DIAPH3: variants seen among roughly 807,000 people sequenced by gnomAD.
DIAPH3 encodes the protein diaphanous related formin 3, also known as protein diaphanous homolog 3.
In DIAPH3, 117 loss-of-function variants were observed where a neutral mutation model predicts 144.3. The ratio of observed to expected loss-of-function variants is 0.81; its 90% CI spans 0.70 to 0.95. The LOEUF is 0.95. DIAPH3 is among the 40% of genes least tolerant of loss of function. DIAPH3 has a pLI of 0.00. For missense variants in DIAPH3, 1,421 were observed against 1,412.7 expected, an observed-to-expected ratio of 1.01 and a Z score of -0.09; for synonymous variants, 519 against 488.9, an observed-to-expected ratio of 1.06 and a Z score of -0.81.
At chr13:60,113,352 G>C (rs967784544) in intron 2 of DIAPH3, among the ~76,000 whole-genome samples, 1 of 152,084 alleles carries the variant, frequency 6.6e-6, no homozygotes, top group African/African-American at 2.4e-5. Flanking sequence ...AATTCAAAAG[G>C]ACAATTAAGT....
intron 25 of DIAPH3, among the ~76,000 whole-genome samples, chr13:59,783,489 C>T (rs1471753626): frequency 6.6e-6 from 1 of 152,122 alleles, no homozygotes; most frequent in Admixed American, 6.5e-5. Context: ...AGGTTTAAAA[C>T]TTGGGAAAGA....
intron 4 of DIAPH3, among the ~76,000 whole-genome samples, chr13:60,082,806 T>C (rs1001373981): frequency 1.3e-5 from 2 of 152,046 alleles, no homozygotes; most frequent in African/African-American, 4.8e-5. Flanking sequence ...AGTTACTAAA[T>C]GAGGTTAAAA....
chr13:60,031,108 T>C (rs566954667), intron 5 of DIAPH3, among the ~76,000 whole-genome samples: 8 of 152,168 alleles, frequency 5.3e-5, no homozygotes, highest in African/African-American at 1.9e-4. Flanking sequence ...GTACAGGAGG[T>C]ATGGCGCCAG....
chr13:59,805,049 C>T (rs1015078790), intron 25 of DIAPH3, among the ~76,000 whole-genome samples: 3 of 152,062 alleles, frequency 2.0e-5, no homozygotes, highest in Non-Finnish European at 4.4e-5. Flanking sequence ...CTAATTATCT[C>T]TTTATTTAAT....
chr13:59,982,589 T>C (rs752925557), intron 13 of DIAPH3, among the ~76,000 whole-genome samples: 73 of 151,650 alleles, frequency 4.8e-4, no homozygotes, highest in Non-Finnish European at 6.8e-4. Flanking sequence ...ATGAGAGGTG[T>C]ATTTTAATAG....
chr13:60,117,941 G>A (rs756476517), intron 2 of DIAPH3, among the ~76,000 whole-genome samples: 1 of 152,062 alleles, frequency 6.6e-6, no homozygotes, highest in African/African-American at 2.4e-5. Context: ...AGTTGAGCAA[G>A]AAACACAACC....
chr13:60,147,392 C>T (rs1951580460), intron 1 of DIAPH3: 1 of 152,216 alleles, frequency 6.6e-6, no homozygotes, highest in Non-Finnish European at 1.5e-5. Context: ...GAACTAGAGA[C>T]TCAAATAGGG....
intron 27 of DIAPH3, among the ~76,000 whole-genome samples, chr13:59,753,107 T>A (rs1361006917): frequency 1.3e-5 from 2 of 152,204 alleles, no homozygotes; most frequent in African/African-American, 2.4e-5. Flanking sequence ...TATTTTTAGC[T>A]CTGAGGCTAA....
At chr13:59,968,485 A>G (rs2050177603) in intron 17 of DIAPH3, among the ~76,000 whole-genome samples, 1 of 152,134 alleles carries the variant, frequency 6.6e-6, no homozygotes, top group Non-Finnish European at 1.5e-5. Context: ...GAAAATTTTG[A>G]TCCTCCATAA....
Position 59,666,430 on chromosome 13 carries a change from C to A in DIAPH3, c.*154G>T. On this transcript the variant is annotated 3_prime_UTR_variant, in exon 28 of 28. Transcript: ENST00000400324. ...CAAAACCTCCAGTACATAGAAAAAGCATTGCAATCATATATTTAGCTTTAT... is the reference window on the plus strand; with the variant it reads ...CAAAACCTCCAGTACATAGAAAAAGAATTGCAATCATATATTTAGCTTTAT... 2 of 870,386 alleles carry A rather than the reference C, an allele frequency of 2.3e-6. No individual in the cohort carries two copies. Among genetic ancestry groups the A allele is most frequent in the Non-Finnish European group, 3.4e-6 (2 of 592,698 alleles). 53.9% of individuals were successfully genotyped at this position (870,386 alleles called of 1,614,324 possible).
At chr13:59,796,640 T>C (rs2039622896) in intron 25 of DIAPH3, among the ~76,000 whole-genome samples, 1 of 152,238 alleles carries the variant, frequency 6.6e-6, no homozygotes, top group Non-Finnish European at 1.5e-5. Flanking sequence ...AACTTCACCA[T>C]ATCAGTAACT....
chr13:59,796,612 A>G (rs1299030450), intron 25 of DIAPH3, among the ~76,000 whole-genome samples: 1 of 152,254 alleles, frequency 6.6e-6, no homozygotes, highest in Non-Finnish European at 1.5e-5. Context: ...ACATATGTGC[A>G]TACAGATATA....
chr13:59,737,038 C>T (rs970332920), intron 27 of DIAPH3, among the ~76,000 whole-genome samples: 1 of 152,010 alleles, frequency 6.6e-6, no homozygotes, highest in African/African-American at 2.4e-5. Flanking sequence ...AAAACGAAAA[C>T]CATAAAAACC....
intron 27 of DIAPH3, among the ~76,000 whole-genome samples, chr13:59,739,786 C>G (rs2036353761): frequency 6.6e-6 from 1 of 151,848 alleles, no homozygotes; most frequent in Non-Finnish European, 1.5e-5. Flanking sequence ...AATGGAGGAC[C>G]CTGAAAAATA....
intron 5 of DIAPH3, among the ~76,000 whole-genome samples, chr13:60,035,081 C>T (rs999004937): frequency 6.6e-6 from 1 of 151,852 alleles, no homozygotes; most frequent in Non-Finnish European, 1.5e-5. Context: ...TATATATGTA[C>T]AGCATATATA....
At chr13:59,937,994 G>C (rs960886831) in intron 17 of DIAPH3, among the ~76,000 whole-genome samples, 10 of 151,996 alleles carry the variant, frequency 6.6e-5, no homozygotes, top group Admixed American at 2.0e-4. Flanking sequence ...CTCTCTCTCT[G>C]CTTTTACGTT....
intron 9 of DIAPH3, among the ~76,000 whole-genome samples, chr13:60,002,190 A>G (rs1057080772): frequency 1.8e-4 from 28 of 152,168 alleles, no homozygotes; most frequent in African/African-American, 6.8e-4. Flanking sequence ...GGATTTGTTC[A>G]GCTGACTAGA....
At chr13:60,058,630 G>A (rs2056646491) in intron 4 of DIAPH3, among the ~76,000 whole-genome samples, 1 of 151,924 alleles carries the variant, frequency 6.6e-6, no homozygotes, top group South Asian at 2.1e-4. Flanking sequence ...CCACCAACTG[G>A]TGAGTGGATA....
chr13:59,859,410 A>G (rs73543249), intron 22 of DIAPH3, among the ~76,000 whole-genome samples: 97 of 152,340 alleles, frequency 6.4e-4, no homozygotes, highest in African/African-American at 2.3e-3. Flanking sequence ...TCCTTATCAA[A>G]GGTAAATATT....
Sources: allele counts gnomAD v4.1 joint callset (sites outside exome capture counted in the v4.1 genomes callset), GRCh38; gene constraint gnomAD v4.1.1; transcripts MANE v1.5; gene names NCBI Gene and HGNC (gene_info 2026-07-23, HGNC 2026-07-21).